PCDHA5: variants seen among roughly 807,000 people sequenced by gnomAD.
PCDHA5 encodes the protein protocadherin alpha-5.
A neutral mutation model predicts 61.6 loss-of-function variants in PCDHA5; 43 were observed. That is an observed-to-expected ratio of 0.70 (90% CI 0.55 to 0.90). The LOEUF is 0.90. Among genes scored for constraint, PCDHA5 ranks in the 40% least tolerant of loss-of-function variants. PCDHA5 has a pLI of 0.00. For synonymous variants in PCDHA5, 627 were observed against 543.9 expected (o/e 1.15, Z -2.13); for missense variants, 1,298 against 1,222.7 (o/e 1.06, Z -0.92).
chr5:140,888,197 C>T (rs190439070), intron 1 of PCDHA5, among the ~76,000 whole-genome samples: 18 of 152,162 alleles, frequency 1.2e-4, no homozygotes, highest in East Asian at 1.2e-3. Flanking sequence ...TTTACATTGT[C>T]GGATGCTGGA....
chr5:140,970,873 A>G (rs138100298), intron 1 of PCDHA5, among the ~76,000 whole-genome samples: 80 of 152,316 alleles, frequency 5.3e-4, no homozygotes, highest in African/African-American at 1.8e-3. Context: ...GATTGAGAGT[A>G]GATTTTTCTC....
At chr5:140,915,646 C>A (rs2077236708) in intron 1 of PCDHA5, among the ~76,000 whole-genome samples, 1 of 151,916 alleles carries the variant, frequency 6.6e-6, no homozygotes, top group Non-Finnish European at 1.5e-5. Flanking sequence ...CTCTCTCTCT[C>A]TCTCTCTCTC....
chr5:140,870,527 C>T, intron 1 of PCDHA5: 1 of 1,614,236 alleles, frequency 6.2e-7, no homozygotes, highest in Non-Finnish European at 8.5e-7. Context: ...CACATCTTCA[C>T]AGTGTCGGCG....
At chr5:140,887,906 T>C (rs2061622663) in intron 1 of PCDHA5, among the ~76,000 whole-genome samples, 1 of 152,198 alleles carries the variant, frequency 6.6e-6, no homozygotes, top group Admixed American at 6.5e-5. Context: ...TCCTAAACAG[T>C]GTATTCTTCA....
chr5:140,910,142 A>T (rs535162246), intron 1 of PCDHA5, among the ~76,000 whole-genome samples: 1 of 152,326 alleles, frequency 6.6e-6, no homozygotes, highest in South Asian at 2.1e-4. Context: ...TTAAGTCTGG[A>T]AATTGATTGA....
At chr5:140,836,493 A>G in intron 1 of PCDHA5, 1 of 1,613,850 alleles carries the variant, frequency 6.2e-7, no homozygotes, top group Non-Finnish European at 8.5e-7. Flanking sequence ...GATCATCGCC[A>G]TCTGCGCGGT....
At chr5:141,002,357 C>G (rs2098075744) in intron 3 of PCDHA5, among the ~76,000 whole-genome samples, 2 of 152,246 alleles carry the variant, frequency 1.3e-5, no homozygotes, top group Admixed American at 6.5e-5. Flanking sequence ...ACCTCCACTC[C>G]TTTCAACTCA....
At chr5:140,829,185 T>C (rs2150163611) in intron 1 of PCDHA5, 3 of 1,614,194 alleles carry the variant, frequency 1.9e-6, no homozygotes, top group East Asian at 2.2e-5. Flanking sequence ...GACGCTCAAT[T>C]TGGTACTGTC....
chr5:140,870,936 G>A (rs1554164882), intron 1 of PCDHA5: 5 of 1,613,820 alleles, frequency 3.1e-6, no homozygotes, highest in South Asian at 1.1e-5. Flanking sequence ...ATGAATTGCA[G>A]CCGGCGGCGG....
intron 1 of PCDHA5, among the ~76,000 whole-genome samples, chr5:140,905,301 C>T (rs1476283859): frequency 6.6e-6 from 1 of 152,182 alleles, no homozygotes; most frequent in Admixed American, 6.5e-5. Context: ...GGTGTCCTTT[C>T]CACACTTTGT....
intron 1 of PCDHA5, among the ~76,000 whole-genome samples, chr5:140,874,462 A>G (rs1471984599): frequency 7.2e-5 from 11 of 152,228 alleles, no homozygotes; most frequent in African/African-American, 2.7e-4. Flanking sequence ...CTGTAGGGGA[A>G]GATTTAGAGA....
intron 1 of PCDHA5, chr5:140,863,982 CAG>C (rs1167037323): frequency 6.5e-6 from 1 of 152,978 alleles, no homozygotes; most frequent in Non-Finnish European, 1.5e-5. Context: ...GCCTGGGAGA[CAG>C]GGTGAAACTC....
At chr5:140,880,822 A>G (rs893258483) in intron 1 of PCDHA5, among the ~76,000 whole-genome samples, 1 of 152,206 alleles carries the variant, frequency 6.6e-6, no homozygotes, top group Non-Finnish European at 1.5e-5. Context: ...GAGTGTCTGG[A>G]AGGGCATATT....
chr5:140,880,790 T>C (rs2058480985), intron 1 of PCDHA5, among the ~76,000 whole-genome samples: 1 of 152,190 alleles, frequency 6.6e-6, no homozygotes, highest in African/African-American at 2.4e-5. Flanking sequence ...AGAGGAGTAA[T>C]ATAAATAGGT....
chr5:140,899,962 C>G (rs1562916347), intron 1 of PCDHA5, among the ~76,000 whole-genome samples: 1 of 152,064 alleles, frequency 6.6e-6, no homozygotes, highest in African/African-American at 2.4e-5. Flanking sequence ...CATGTGCTGC[C>G]ATGCCCAGCT....
intron 1 of PCDHA5, among the ~76,000 whole-genome samples, chr5:140,893,780 C>T (rs966071281): frequency 4.6e-5 from 7 of 151,980 alleles, no homozygotes; most frequent in Admixed American, 6.6e-5. Context: ...TTTCTTTTAC[C>T]GTTTTTAGAA....
chr5:140,881,695 T>G (rs576802700), intron 1 of PCDHA5, among the ~76,000 whole-genome samples: 1 of 152,318 alleles, frequency 6.6e-6, no homozygotes, highest in East Asian at 1.9e-4. Flanking sequence ...CCTTTTGGAG[T>G]CAATGGCTGT....
chr5:140,866,287 C>T (rs1396371419), intron 1 of PCDHA5: 1 of 152,074 alleles, frequency 6.6e-6, no homozygotes, highest in Non-Finnish European at 1.5e-5. Flanking sequence ...GTGTTTGGGA[C>T]AAGTATAGAT....
chr5:140,834,325 C>A, intron 1 of PCDHA5: 3 of 1,449,214 alleles, frequency 2.1e-6, no homozygotes, highest in Non-Finnish European at 2.8e-6. Context: ...GGGATAAAAA[C>A]ATTCCTATAA....
Sources: gnomAD v4.1 joint callset for allele counts (sites outside exome capture counted in the v4.1 genomes callset) on GRCh38, gnomAD v4.1.1 for gene constraint, MANE v1.5 for transcripts, NCBI Gene and HGNC (gene_info 2026-07-23, HGNC 2026-07-21) for gene names.